EPHB2: variants seen among roughly 807,000 people sequenced by gnomAD.
EPHB2 encodes EPH receptor B2, also known as ephrin type-B receptor 2.
Under a neutral mutation model 96.4 loss-of-function variants are expected in EPHB2, and 18 were observed. The ratio of observed to expected loss-of-function variants is 0.19; its 90% CI spans 0.13 to 0.28. The LOEUF is 0.28. Among genes scored for constraint, EPHB2 ranks in the 10% least tolerant of loss-of-function variants. EPHB2 has a pLI of 1.00. For synonymous variants in EPHB2, 506 were observed against 534.1 expected, an observed-to-expected ratio of 0.95 and a Z score of 0.72; for missense variants, 989 against 1,355.4, an observed-to-expected ratio of 0.73 and a Z score of 4.25.
intron 1 of EPHB2, among the ~76,000 whole-genome samples, chr1:22,718,912 A>G (rs781580238): frequency 6.6e-5 from 10 of 152,120 alleles, no homozygotes; most frequent in Non-Finnish European, 1.3e-4. Flanking sequence ...CTCCACTTCT[A>G]GAATGTGCCT....
chr1:22,789,592 C>T (rs775076089), intron 3 of EPHB2, among the ~76,000 whole-genome samples: 9 of 152,204 alleles, frequency 5.9e-5, no homozygotes, highest in Non-Finnish European at 1.3e-4. Context: ...TCATTTAGCC[C>T]TCTAACAAAT....
rs1391712762 is a variant in EPHB2, at chr1:22,733,117, T to A, written c.61+22074T>A. ...AGACTGGAATGCAATGGCGTAGTCT[T>A]GGCTCACTGCAACCTCTGCCTCCCC... is the stretch of plus-strand genomic sequence containing the variant. On this transcript the variant is annotated intron_variant, in intron 1 of 15. Coordinates refer to ENST00000374630, the MANE Select transcript of EPHB2 (RefSeq NM_017449.5). The surrounding 1 kb of genome is among the most constrained non-coding windows in gnomAD (Gnocchi z 4.6). Among the ~76,000 whole-genome samples, 1 of 152,116 alleles carries A rather than the reference T, an allele frequency of 6.6e-6. No individual in the cohort carries two copies. Among genetic ancestry groups the A allele is most frequent in the African/African-American group, 2.4e-5 (1 of 41,402 alleles).
intron 1 of EPHB2, among the ~76,000 whole-genome samples, chr1:22,761,064 G>C (rs757400702): frequency 3.9e-5 from 6 of 152,180 alleles, no homozygotes; most frequent in Non-Finnish European, 7.3e-5. Context: ...GGCAGCATCA[G>C]CATCACCTGG....
At chr1:22,893,121 T>C (rs1639446988) in intron 7 of EPHB2, 75 bp downstream of exon 7, 11 of 1,610,162 alleles carry the variant, frequency 6.8e-6, no homozygotes, top group Non-Finnish European at 8.5e-6. Context: ...ACCATTCTCA[T>C]GAAGCACCTT....
At chr1:22,767,543 C>T (rs1265691021) in intron 1 of EPHB2, among the ~76,000 whole-genome samples, 1 of 152,204 alleles carries the variant, frequency 6.6e-6, no homozygotes, top group Admixed American at 6.5e-5. Context: ...CTTAGAGGAG[C>T]TCAGGTGCTA....
intron 1 of EPHB2, among the ~76,000 whole-genome samples, chr1:22,713,180 A>G (rs991233889): frequency 6.6e-6 from 1 of 152,092 alleles, no homozygotes; most frequent in African/African-American, 2.4e-5. Flanking sequence ...AGGCACCCCA[A>G]TGCTTGCCTC....
chr1:22,827,735 A>G (rs964482123), intron 3 of EPHB2, among the ~76,000 whole-genome samples: 10 of 152,378 alleles, frequency 6.6e-5, no homozygotes, highest in African/African-American at 2.4e-4. Flanking sequence ...ACACAGAGTC[A>G]GAAGAGTTAA....
chr1:22,902,450 T>C (rs921355619), intron 9 of EPHB2, among the ~76,000 whole-genome samples: 2 of 152,228 alleles, frequency 1.3e-5, no homozygotes, highest in Non-Finnish European at 2.9e-5. Flanking sequence ...CTTATAGCTT[T>C]GGGTCTAAAG....
chr1:22,902,089 G>A (rs546884089), intron 9 of EPHB2, among the ~76,000 whole-genome samples: 2 of 152,286 alleles, frequency 1.3e-5, no homozygotes, highest in African/African-American at 4.8e-5. Flanking sequence ...GCCTCCCAAA[G>A]GGCTGGGATT....
chr1:22,861,896 G>T (rs1339797793), intron 3 of EPHB2, among the ~76,000 whole-genome samples: 2 of 152,230 alleles, frequency 1.3e-5, no homozygotes, highest in Non-Finnish European at 2.9e-5. Context: ...GGCATAAAAT[G>T]TACTCCCGGT....
intron 8 of EPHB2, 79 bp from the exon 9 acceptor site, chr1:22,896,335 C>G: frequency 1.3e-6 from 2 of 1,596,470 alleles, no homozygotes; most frequent in Non-Finnish European, 8.6e-7. Context: ...CCTGCCCACC[C>G]TCTCCCTATC....
chr1:22,860,791 A>G lies in EPHB2; in HGVS notation c.812-2246A>G, dbSNP rs1638219660. 6.6e-6 allele frequency among the ~76,000 whole-genome samples: 1 copy of G among 152,186 alleles called. No homozygotes were observed. Among genetic ancestry groups the G allele is most frequent in the Admixed American group, 6.5e-5 (1 of 15,286 alleles). ...TCTGCAGAGGAGGAAACCCGTTCAG[A>G]GAGGCCGACTGCTCGACCAGAGCTG... is the stretch of plus-strand genomic sequence containing the variant. On this transcript the variant is annotated intron_variant, in intron 3 of 15. Coordinates refer to ENST00000374630, the MANE Select transcript of EPHB2 (RefSeq NM_017449.5). This position sits in a 1 kb window ranked among gnomAD's most constrained non-coding sequence, Gnocchi z 4.6.
At chr1:22,798,400 C>A (rs1303672380) in intron 3 of EPHB2, among the ~76,000 whole-genome samples, 3 of 152,148 alleles carry the variant, frequency 2.0e-5, no homozygotes, top group Non-Finnish European at 4.4e-5. Context: ...CAGGGTTTCC[C>A]TAAGATCTCA....
chr1:22,801,939 C>G (rs1212534342), intron 3 of EPHB2, among the ~76,000 whole-genome samples: 1 of 152,230 alleles, frequency 6.6e-6, no homozygotes, highest in African/African-American at 2.4e-5. Context: ...ACAGCCGCGC[C>G]GAATCCCGCC....
In EPHB2 at chr1:22,784,770, G is replaced by A. The variant is rs891984699; in HGVS notation, c.505G>A (p.Val169Met). 1 of 1,608,394 alleles carries A rather than the reference G, an allele frequency of 6.2e-7. No homozygotes were observed. The highest frequency in any genetic ancestry group is 1.3e-5 in the African/African-American group (1 of 74,838). ...INTEVRSFGP[V>M]SRSGFYLAFQ... ...CACCGAGGTGCGGAGCTTCGGACCT[G>A]TGTCCCGCAGCGGCTTCTACCTGGC... The change falls in exon 3 of 16, where the codon GTG (valine) becomes ATG (methionine). Residue 169 changes from valine to methionine, a missense_variant. Val to Met is a conservative substitution (Grantham distance 21, BLOSUM62 1). Transcript: ENST00000374630. This position sits in a 1 kb window ranked among gnomAD's most constrained non-coding sequence, Gnocchi z 5.1.
In EPHB2 at chr1:22,908,093, C is replaced by T; in HGVS notation, c.2277C>T (p.Val759=). 6.2e-7 allele frequency: 1 copy of T among 1,614,252 alleles called. No homozygotes were observed. The change falls in exon 12 of 16, where the codon GTC becomes GTT. Residue 759 remains valine, a synonymous_variant. Transcript: ENST00000374630. The stretch of plus-strand genomic sequence containing the variant: ...ACATCCTCGTCAACAGCAACCTGGT[C>T]TGCAAGGTGTCGGACTTTGGGCTCT... ...ARNILVNSNL[V]CKVSDFGLSR... is the part of the protein sequence containing the mutation.
intron 3 of EPHB2, among the ~76,000 whole-genome samples, chr1:22,789,616 C>G (rs1019275022): frequency 2.0e-5 from 3 of 152,214 alleles, no homozygotes; most frequent in African/African-American, 4.8e-5. Flanking sequence ...CGTTGCATAC[C>G]TGCTGTGAGC....
chr1:22,791,655 A>G (rs1383877768), intron 3 of EPHB2, among the ~76,000 whole-genome samples: 1 of 151,918 alleles, frequency 6.6e-6, no homozygotes, highest in Non-Finnish European at 1.5e-5. Flanking sequence ...ACATCTTTGC[A>G]TATCATGTCA....
chr1:22,913,786 T>C lies in EPHB2; in HGVS notation c.*216T>C, dbSNP rs1375131854. 6.2e-7 allele frequency: 1 copy of C among 1,608,632 alleles called. No homozygotes were observed. The highest frequency in any genetic ancestry group is 1.1e-5 in the South Asian group (1 of 90,016). Reference sequence around the variant, plus strand: ...AGGGAATGGGAAAAAAGAAAACAGATCCTGGGAGGGGGCGGGAAATACAAG... The same window carrying C: ...AGGGAATGGGAAAAAAGAAAACAGACCCTGGGAGGGGGCGGGAAATACAAG... On this transcript the variant is annotated 3_prime_UTR_variant, in exon 16 of 16. Transcript: ENST00000374630. This position sits in a 1 kb window ranked among gnomAD's most constrained non-coding sequence, Gnocchi z 4.1.
Sources: gnomAD v4.1 joint callset for allele counts (sites outside exome capture counted in the v4.1 genomes callset) on GRCh38, gnomAD v4.1.1 for gene constraint, Gnocchi (gnomAD v3.1) non-coding constraint, MANE v1.5 for transcripts, NCBI Gene and HGNC (gene_info 2026-07-23, HGNC 2026-07-21) for gene names.